USH1G: variants seen among roughly 807,000 people sequenced by gnomAD.
USH1G encodes USH1 protein network component sans.
Under a neutral mutation model 31.9 loss-of-function variants are expected in USH1G, and 27 were observed. The ratio of observed to expected loss-of-function variants is 0.85; its 90% CI spans 0.62 to 1.17. The LOEUF is 1.17. Among genes scored for constraint, USH1G ranks in the 50% most tolerant of loss-of-function variants. USH1G has a pLI of 0.00. For synonymous variants in USH1G, 266 were observed against 283.2 expected (o/e 0.94, Z 0.61); for missense variants, 674 against 638.9 (o/e 1.05, Z -0.59).
chr17:74,919,409 T>G lies in USH1G; in HGVS notation c.1382+45A>C, dbSNP rs760743915. 2 of 1,500,752 alleles carry G rather than the reference T, an allele frequency of 1.3e-6. No individual in the cohort carries two copies. Among genetic ancestry groups the G allele is most frequent in the African/African-American group, 1.4e-5 (1 of 69,860 alleles). 93.0% of individuals were successfully genotyped at this position (1,500,752 alleles called of 1,614,324 possible). A position where few individuals can be genotyped will look rare whatever the true frequency, so the allele number is the denominator to read the frequency against. Reference sequence around the variant, plus strand: ...ATCTGTACCCCCTCCCCAGGGGCCTTCCAACTCCTGCTCCTCCATCCCCCC... The same window carrying G: ...ATCTGTACCCCCTCCCCAGGGGCCTGCCAACTCCTGCTCCTCCATCCCCCC... On this transcript the variant is annotated intron_variant, in intron 2 of 2. Coordinates refer to ENST00000614341, the MANE Select transcript of USH1G (RefSeq NM_173477.5). The surrounding 1 kb of genome is among the most constrained non-coding windows in gnomAD (Gnocchi z 4.5).
chr17:74,918,093 A>G lies in USH1G; in HGVS notation c.1383-17T>C. The G allele has an allele frequency of 6.2e-7, 1 of 1,613,970 alleles. No homozygotes were observed. The highest frequency in any genetic ancestry group is 2.2e-5 in the East Asian group (1 of 44,880). ...CCCGGTTATCTGTGGAGGAAGAGAC[A>G]GAAAGAAACAGATCTCACATGAGGC... On this transcript the variant is annotated splice_polypyrimidine_tract_variant and intron_variant, in intron 2 of 2. Coordinates refer to ENST00000614341, the MANE Select transcript of USH1G (RefSeq NM_173477.5). This position sits in a 1 kb window ranked among gnomAD's most constrained non-coding sequence, Gnocchi z 4.1.
In USH1G at chr17:74,920,082, C is replaced by A. The variant is rs867149581; in HGVS notation, c.754G>T (p.Asp252Tyr). 1 of 1,605,880 alleles carries A rather than the reference C, an allele frequency of 6.2e-7. No individual in the cohort carries two copies. The highest frequency in any genetic ancestry group is 1.3e-5 in the African/African-American group (1 of 74,926). The change falls in exon 2 of 3, where the codon GAC becomes TAC. Residue 252 changes from aspartate (D) to tyrosine (Y), a missense_variant. Transcript: ENST00000614341. The surrounding 1 kb of genome is among the most constrained non-coding windows in gnomAD (Gnocchi z 5.2). ...GTGCCCTGGCGCACGAACATCACGT[C>A]GCTGCCCAGCTGCAGGCCCGAGAGC... Reference protein sequence around the residue: ...RSLSGLQLGSDVMFVRQGTYA... With the variant: ...RSLSGLQLGSYVMFVRQGTYA...
rs1224075566 is a variant in USH1G at position 74,920,384 on chromosome 17, G to C, written c.452C>G (p.Ala151Gly). The C allele has an allele frequency of 5.0e-6, 8 of 1,613,008 alleles. No individual in the cohort carries two copies. Among genetic ancestry groups the C allele is most frequent in the Non-Finnish European group, 6.8e-6 (8 of 1,179,996 alleles). Residue 151 changes from alanine (A) to glycine (G), a missense_variant, in exon 2 of 3, where the codon GCC (alanine) becomes GGC (glycine). Ala to Gly is a moderately conservative substitution (Grantham distance 60). Transcript: ENST00000614341. This position sits in a 1 kb window ranked among gnomAD's most constrained non-coding sequence, Gnocchi z 5.2. ...REAERRIREC[A>G]KLQRRHHERM... is the part of the protein sequence containing the mutation. ...TTCGTGGTGCCTCCGCTGCAGCTTGGCGCACTCGCGGATGCGCCGCTCCGC... is the reference window on the plus strand; with the variant it reads ...TTCGTGGTGCCTCCGCTGCAGCTTGCCGCACTCGCGGATGCGCCGCTCCGC...
Position 74,919,597 on chromosome 17 carries a change from G to C in USH1G, c.1239C>G (p.Ile413Met), listed in dbSNP as rs766986350. 5.0e-6 allele frequency: 8 copies of C among 1,612,672 alleles called. No individual in the cohort carries two copies. In the East Asian group the frequency reaches 1.3e-4, roughly 27 times the overall value. Residue 413 changes from isoleucine to methionine, a missense_variant, in exon 2 of 3, where the codon ATC (isoleucine) becomes ATG (methionine). Transcript: ENST00000614341. This position sits in a 1 kb window ranked among gnomAD's most constrained non-coding sequence, Gnocchi z 4.5. The part of the protein sequence containing the change: ...DFAALLRQEK[I>M]DLEALMLCSD... ...AGCACAGCATCAAAGCCTCGAGGTCGATCTTCTCCTGCCGCAGGAGGGCGG... is the reference window on the plus strand; with the variant it reads ...AGCACAGCATCAAAGCCTCGAGGTCCATCTTCTCCTGCCGCAGGAGGGCGG...
In USH1G at chr17:74,922,914, G is replaced by C. The variant is rs1295944105; in HGVS notation, c.160C>G (p.Arg54Gly). The C allele has an allele frequency of 3.9e-6, 6 of 1,545,394 alleles. No homozygotes were observed. Among genetic ancestry groups the C allele is most frequent in the Non-Finnish European group, 4.4e-6 (5 of 1,142,286 alleles). The change falls in exon 1 of 3, where the codon CGC becomes GGC. Residue 54 changes from arginine to glycine, a missense_variant. Physicochemically the swap from Arg to Gly is moderately radical, Grantham distance 125. Coordinates refer to ENST00000614341, the MANE Select transcript of USH1G (RefSeq NM_173477.5). Reference protein sequence around the residue: ...NLESLRLIVSRGGDPDKCDIW... With the variant: ...NLESLRLIVSGGGDPDKCDIW... ...CACTGGGTGGGGCGTACTCACCCGC[G>C]GCTCACAATGAGACGCAGCGACTCG...
At position 74,918,175 on chromosome 17, in the gene USH1G, T is replaced by C. The variant is rs1243879061; in HGVS notation, c.1383-99A>G. The C allele has an allele frequency of 2.0e-6, 3 of 1,530,994 alleles. No individual in the cohort carries two copies. Among genetic ancestry groups the C allele is most frequent in the Non-Finnish European group, 2.7e-6 (3 of 1,119,436 alleles). The allele number at this position is 1,530,994 out of a possible 1,614,324, so 94.8% of individuals were successfully genotyped here. A position where few individuals can be genotyped will look rare whatever the true frequency, so the allele number is the denominator to read the frequency against. On this transcript the variant is annotated intron_variant, in intron 2 of 2. Coordinates refer to ENST00000614341, the MANE Select transcript of USH1G (RefSeq NM_173477.5). This position sits in a 1 kb window ranked among gnomAD's most constrained non-coding sequence, Gnocchi z 4.1. ...CCATCTGGACAACTTAGCCTCCCCATCTCTCGGCAGGCCAATTGTCAGGGA... is the reference window on the plus strand; with the variant it reads ...CCATCTGGACAACTTAGCCTCCCCACCTCTCGGCAGGCCAATTGTCAGGGA...
In USH1G at chr17:74,923,181, G is replaced by A; in HGVS notation, c.-108C>T. ...TGAGGTTGGAGGACGGGGCCGGGCA[G>A]GGGCCGGGGCCGCCAGCCCCCGCTG... On this transcript the variant is annotated 5_prime_UTR_variant, in exon 1 of 3. Transcript: ENST00000614341. The surrounding 1 kb of genome is among the most constrained non-coding windows in gnomAD (Gnocchi z 5.3). The A allele has an allele frequency of 9.4e-7, 1 of 1,061,120 alleles. No individual in the cohort carries two copies. The highest frequency in any genetic ancestry group is 2.2e-5 in the South Asian group (1 of 44,488). 65.7% of individuals were successfully genotyped at this position (1,061,120 alleles called of 1,614,324 possible). A position where few individuals can be genotyped will look rare whatever the true frequency, so the allele number is the denominator to read the frequency against.
At chr17:74,922,154 C>G (rs960379461) in intron 1 of USH1G, among the ~76,000 whole-genome samples, 1 of 152,102 alleles carries the variant, frequency 6.6e-6, no homozygotes, top group Non-Finnish European at 1.5e-5. Flanking sequence ...CCCAAGGAAC[C>G]CATATCAGTG....
Position 74,919,510 on chromosome 17 carries a change from G to C in USH1G, c.1326C>G (p.Ala442=), listed in dbSNP as rs751073735. The C allele has an allele frequency of 1.2e-6, 2 of 1,610,482 alleles. No individual in the cohort carries two copies. Among genetic ancestry groups the C allele is most frequent in the East Asian group, 2.2e-5 (1 of 44,844 alleles). ...PLGPRKKILG[A]VRRRRQAMER... ...CCATCGCCTGCCGCCGCCTCCTCAC[G>C]GCCCCCAAGATCTTCTTTCGGGGCC... The change falls in exon 2 of 3, where the codon GCC becomes GCG. Residue 442 remains alanine (A), a synonymous_variant. Coordinates refer to ENST00000614341, the MANE Select transcript of USH1G (RefSeq NM_173477.5). The surrounding 1 kb of genome is among the most constrained non-coding windows in gnomAD (Gnocchi z 4.5).
rs762249466 is a variant in USH1G at position 74,919,416 on chromosome 17, C to A, written c.1382+38G>T. The A allele has an allele frequency of 3.8e-6, 6 of 1,576,504 alleles. No homozygotes were observed. The South Asian group carries it at 7.0e-5, about 18-fold the overall frequency. ...CCCCCTCCCCAGGGGCCTTCCAACT[C>A]CTGCTCCTCCATCCCCCCCGCCAGG... On this transcript the variant is annotated intron_variant, in intron 2 of 2. Transcript: ENST00000614341. This position sits in a 1 kb window ranked among gnomAD's most constrained non-coding sequence, Gnocchi z 4.5.
chr17:74,917,136 T>C lies in USH1G; in HGVS notation c.*937A>G, dbSNP rs896524267. ...TGGGGACAATCTGCAGTTTAGAGGA[T>C]CCACTTTCTCCAGTGTCCACATCGC... On this transcript the variant is annotated 3_prime_UTR_variant, in exon 3 of 3. Coordinates refer to ENST00000614341, the MANE Select transcript of USH1G (RefSeq NM_173477.5). The C allele has an allele frequency of 1.3e-5, 2 of 152,366 alleles. No homozygotes were observed. 9.4% of individuals were successfully genotyped at this position (152,366 alleles called of 1,614,324 possible). A position where few individuals can be genotyped will look rare whatever the true frequency, so the allele number is the denominator to read the frequency against.
rs115823783 is a variant in USH1G at position 74,921,053 on chromosome 17, G to A, written c.165-382C>T. 4.7e-3 allele frequency among the ~76,000 whole-genome samples: 722 copies of A among 152,116 alleles called. 9 individuals are homozygous for A. The highest frequency in any genetic ancestry group is 0.017 in the African/African-American group (694 of 41,486). ...CAGAGCGCTGGTGGGCCAGGGCCGC[G>A]TCTGGGTCTCTAGGCAGGCGTGGTG... On this transcript the variant is annotated intron_variant, in intron 1 of 2. Coordinates refer to ENST00000614341, the MANE Select transcript of USH1G (RefSeq NM_173477.5). This position sits in a 1 kb window ranked among gnomAD's most constrained non-coding sequence, Gnocchi z 4.6.
rs1457251019 is a variant in USH1G, at chr17:74,920,340, G to T, written c.496C>A (p.Arg166=). 7 of 1,610,716 alleles carry T rather than the reference G, an allele frequency of 4.3e-6. No individual in the cohort carries two copies. Among genetic ancestry groups the T allele is most frequent in the Non-Finnish European group, 5.1e-6 (6 of 1,179,482 alleles). The part of the protein sequence containing the change: ...RHHERMERRY[R]RELAERSDTL... ...TCGGAACGCTCGGCCAGCTCGCGCC[G>T]GTATCGCCGCTCCATGCGTTCGTGG... Residue 166 remains arginine (R), a synonymous_variant, in exon 2 of 3, where the codon CGG becomes AGG. Coordinates refer to ENST00000614341, the MANE Select transcript of USH1G (RefSeq NM_173477.5). This position sits in a 1 kb window ranked among gnomAD's most constrained non-coding sequence, Gnocchi z 5.2.
At position 74,919,232 on chromosome 17, in the gene USH1G, A is replaced by C. The variant is rs1458131803; in HGVS notation, c.1382+222T>G. Among the ~76,000 whole-genome samples the C allele has an allele frequency of 2.0e-5, 3 of 152,124 alleles. No individual in the cohort carries two copies. Among genetic ancestry groups the C allele is most frequent in the Non-Finnish European group, 4.4e-5 (3 of 68,024 alleles). On this transcript the variant is annotated intron_variant, in intron 2 of 2. Transcript: ENST00000614341. The surrounding 1 kb of genome is among the most constrained non-coding windows in gnomAD (Gnocchi z 4.5). ...GTCCCCAGAATCGAGGTGCACTTTC[A>C]CTGTGATAAGAATGCCTCGGGTCAT...
rs1481123921 is a variant in USH1G, at chr17:74,921,547, A to G, written c.165-876T>C. Reference sequence around the variant, plus strand: ...CCTGCCCTGCACTAATGAGGCCACAAGGCCAACCCCCAGGGCTGGGGGAAG... The same window carrying G: ...CCTGCCCTGCACTAATGAGGCCACAGGGCCAACCCCCAGGGCTGGGGGAAG... On this transcript the variant is annotated intron_variant, in intron 1 of 2. Coordinates refer to ENST00000614341, the MANE Select transcript of USH1G (RefSeq NM_173477.5). The surrounding 1 kb of genome is among the most constrained non-coding windows in gnomAD (Gnocchi z 4.6). Among the ~76,000 whole-genome samples, 5 of 152,106 alleles carry G rather than the reference A, an allele frequency of 3.3e-5. No individual in the cohort carries two copies. Among genetic ancestry groups the G allele is most frequent in the Non-Finnish European group, 7.4e-5 (5 of 67,978 alleles).
In USH1G at chr17:74,918,806, C is replaced by A. The variant is rs2038895486; in HGVS notation, c.1382+648G>T. ...GCCTGGATGACAAGAGGGAAACTGT[C>A]TCAAAAAAAAAAAAAAAAAAATCTG... On this transcript the variant is annotated intron_variant, in intron 2 of 2. Transcript: ENST00000614341. This position sits in a 1 kb window ranked among gnomAD's most constrained non-coding sequence, Gnocchi z 4.1. Among the ~76,000 whole-genome samples, 1 of 139,738 alleles carries A rather than the reference C, an allele frequency of 7.2e-6. No individual in the cohort carries two copies. Among genetic ancestry groups the A allele is most frequent in the Admixed American group, 7.1e-5 (1 of 14,174 alleles). The allele number at this position is 139,738 out of a possible 152,430, so 91.7% of individuals were successfully genotyped here.
In USH1G at chr17:74,918,071, G is replaced by C; in HGVS notation, c.*2C>G. ...TTTTGGTCTGGGGAGAGGAGCCCCC[G>C]GTTATCTGTGGAGGAAGAGACAGAA... is the stretch of plus-strand genomic sequence containing the variant. On this transcript the variant is annotated 3_prime_UTR_variant, in exon 3 of 3. Transcript: ENST00000614341. The surrounding 1 kb of genome is among the most constrained non-coding windows in gnomAD (Gnocchi z 4.1). 2 of 1,614,088 alleles carry C rather than the reference G, an allele frequency of 1.2e-6. No individual in the cohort carries two copies. The highest frequency in any genetic ancestry group is 1.7e-6 in the Non-Finnish European group (2 of 1,180,006).
chr17:74,921,339 C>G lies in USH1G; in HGVS notation c.165-668G>C, dbSNP rs549624289. 5.9e-5 allele frequency among the ~76,000 whole-genome samples: 9 copies of G among 152,028 alleles called. No homozygotes were observed. Among genetic ancestry groups the G allele is most frequent in the African/African-American group, 2.2e-4 (9 of 41,362 alleles). ...GGAGGGAAATCAGCTGCCCGTGCTC[C>G]GAAGCCCTCCCTTCCCTAGGTTGCC... On this transcript the variant is annotated intron_variant, in intron 1 of 2. Transcript: ENST00000614341. The surrounding 1 kb of genome is among the most constrained non-coding windows in gnomAD (Gnocchi z 4.6).
rs2038886775 is a variant in USH1G, at chr17:74,917,884, T to G, written c.*189A>C. ...GAACTGGAGTTCCGGAACATTCTCT[T>G]GCCCCTCTGGTGCCTCCAGGCCACA... On this transcript the variant is annotated 3_prime_UTR_variant, in exon 3 of 3. Transcript: ENST00000614341. 1 of 711,914 alleles carries G rather than the reference T, an allele frequency of 1.4e-6. No individual in the cohort carries two copies. Among genetic ancestry groups the G allele is most frequent in the Non-Finnish European group, 2.4e-6 (1 of 410,746 alleles). 44.1% of individuals were successfully genotyped at this position (711,914 alleles called of 1,614,324 possible).
Sources: gnomAD v4.1 joint callset for allele counts (sites outside exome capture counted in the v4.1 genomes callset) on GRCh38, gnomAD v4.1.1 for gene constraint, Gnocchi (gnomAD v3.1) non-coding constraint, MANE v1.5 for transcripts, NCBI Gene and HGNC (gene_info 2026-07-23, HGNC 2026-07-21) for gene names.